Variants in PER2 observed in about 807,000 individuals in gnomAD.
PER2 encodes period circadian protein homolog 2.
In PER2, 66 loss-of-function variants were observed where a neutral mutation model predicts 121.0. The observed-to-expected ratio is 0.55, with a 90% confidence interval of 0.45 to 0.67. The LOEUF is 0.67. Among genes scored for constraint, PER2 ranks in the 30% least tolerant of loss-of-function variants. The pLI, the probability that PER2 is intolerant of heterozygous loss-of-function variation, is 0.00. For missense variants in PER2, 1,521 were observed against 1,635.0 expected (o/e 0.93, Z 1.20); for synonymous variants, 684 against 659.9 (o/e 1.04, Z -0.56).
chr2:238,277,582 T>C (rs1246250488), intron 2 of PER2, 125 bp downstream of exon 2: 24 of 1,185,002 alleles, frequency 2.0e-5, no homozygotes, highest in Non-Finnish European at 2.9e-5. Context: ...TTTAGGTATT[T>C]TCAAAAATCT....
At chr2:238,260,776 T>C (rs1354980265) in intron 13 of PER2, 52 bp downstream of exon 13, 1 of 1,609,002 alleles carries the variant, frequency 6.2e-7, no homozygotes, top group Non-Finnish European at 8.5e-7. Context: ...TTTTTAACTC[T>C]GGAGGGACAT....
At chr2:238,255,485 C>T (rs568958352) in intron 18 of PER2, 172 bp downstream of exon 18, 177 of 722,260 alleles carry the variant, frequency 2.5e-4, no homozygotes, top group African/African-American at 3.5e-4. Flanking sequence ...AGCACCCCCC[C>T]GGTGGGAAGT....
chr2:238,298,514 T>C, the PER2 span: 1 of 152,242 alleles, frequency 6.6e-6, no homozygotes, highest in Non-Finnish European at 1.5e-5. Context: ...GGGATTGTAA[T>C]GACCAGGGGT....
intron 5 of PER2, among the ~76,000 whole-genome samples, 168 bp downstream of exon 5, chr2:238,272,902 C>T (rs1696333860): frequency 6.6e-6 from 1 of 152,210 alleles, no homozygotes; most frequent in Non-Finnish European, 1.5e-5. Flanking sequence ...AACATGAATG[C>T]CACTTCCAGA....
At chr2:238,272,644 A>C (rs1308335104) in intron 5 of PER2, among the ~76,000 whole-genome samples, 1 of 152,224 alleles carries the variant, frequency 6.6e-6, no homozygotes, top group Admixed American at 6.5e-5. Flanking sequence ...TGTGCCCTCC[A>C]AGGGGCCCAC....
At chr2:238,277,622 T>G in intron 2 of PER2, 85 bp downstream of exon 2, 1 of 1,470,938 alleles carries the variant, frequency 6.8e-7, no homozygotes, top group South Asian at 1.2e-5. Context: ...GATTTAAAGA[T>G]TGCAAAAGCA....
intron 17 of PER2, 95 bp from the exon 18 acceptor site, chr2:238,256,006 ATAAAG>A (rs1695749970): frequency 1.4e-6 from 2 of 1,467,316 alleles, no homozygotes; most frequent in African/African-American, 1.4e-5. Flanking sequence ...TCATTCACGT[ATAAAG>A]TAATTTCATG....
intron 5 of PER2, 97 bp from the exon 6 acceptor site, chr2:238,271,610 A>G: frequency 1.1e-6 from 1 of 907,532 alleles, no homozygotes; most frequent in Non-Finnish European, 1.8e-6. Context: ...GCCCACCAGG[A>G]GCGTTGGAGG....
chr2:238,246,462 A>C lies in PER2; in HGVS notation c.3681T>G (p.Ile1227Met). 1 of 1,594,912 alleles carries C rather than the reference A, an allele frequency of 6.3e-7. No individual in the cohort carries two copies. Among genetic ancestry groups the C allele is most frequent in the South Asian group, 1.1e-5 (1 of 90,642 alleles). ...GNICIPYEED[I>M]PSLGLSEVSD... is the part of the protein sequence containing the mutation. ...ACACTTCGCTGAGTCCCAGAGAAGG[A>C]ATATCTTCCTCATATGGTATGCAAA... The change falls in exon 23 of 23, where the codon ATT becomes ATG. Residue 1227 changes from isoleucine to methionine, a missense_variant. Transcript: ENST00000254657.
At chr2:238,293,060 A>ATAC (rs1240714097), upstream of PER2, among the ~76,000 whole-genome samples, 1 of 149,040 alleles carries the variant, frequency 6.7e-6, no homozygotes, top group Non-Finnish European at 1.5e-5. Flanking sequence ...TTTTTTCATC[A>ATAC]TACATAGGTG....
chr2:238,256,831 T>C, intron 17 of PER2, 91 bp downstream of exon 17: 1 of 1,333,178 alleles, frequency 7.5e-7, no homozygotes. Flanking sequence ...GGTGGAGTTC[T>C]TCTGCACTTA....
At chr2:238,248,194 G>A (rs1695498347) in intron 22 of PER2, among the ~76,000 whole-genome samples, 1 of 152,190 alleles carries the variant, frequency 6.6e-6, no homozygotes, top group Non-Finnish European at 1.5e-5. Flanking sequence ...GGAGACCAAG[G>A]GCAGCAAGAG....
chr2:238,249,080 G>A lies in PER2; in HGVS notation c.3600C>T (p.Pro1200=), dbSNP rs35873326. 32,109 of 1,614,058 alleles carry A rather than the reference G, an allele frequency of 0.02. 873 individuals carry two copies. Among genetic ancestry groups the A allele is most frequent in the African/African-American group, 0.12 (9,301 of 75,014 alleles). Residue 1200 remains proline (P), a synonymous_variant, in exon 22 of 23, where the codon CCC becomes CCT. Coordinates refer to ENST00000254657, the MANE Select transcript of PER2 (RefSeq NM_022817.3). Reference sequence around the variant, plus strand: ...AGCTTACTGCCACGTCGATGGCTGCGGGCAGGCCGCCCGTCTGCATCCACT... The same window carrying A: ...AGCTTACTGCCACGTCGATGGCTGCAGGCAGGCCGCCCGTCTGCATCCACT... ...VHQWMQTGGL[P]AAIDVAECVY...
Position 238,261,704 on chromosome 2 carries a change from G to C in PER2, c.1416+25C>G. ...GGGCTCTCAGGCTGCTACCTGGGAG[G>C]AGGACATGCAGGCACCACACCCACC... is the stretch of plus-strand genomic sequence containing the variant. On this transcript the variant is annotated intron_variant, in intron 12 of 22. Transcript: ENST00000254657. 3.4e-6 allele frequency: 5 copies of C among 1,463,262 alleles called. No homozygotes were observed. In the South Asian group the frequency reaches 4.9e-5, roughly 14 times the overall value. The allele number at this position is 1,463,262 out of a possible 1,614,324, so 90.6% of individuals were successfully genotyped here. A position where few individuals can be genotyped will look rare whatever the true frequency, so the allele number is the denominator to read the frequency against.
chr2:238,258,186 C>A, intron 16 of PER2, 90 bp downstream of exon 16: 1 of 1,390,810 alleles, frequency 7.2e-7, no homozygotes, highest in Non-Finnish European at 1.0e-6. Context: ...CACCCTTACA[C>A]TGTGTCCACA....
chr2:238,258,556 G>T lies in PER2; in HGVS notation c.1716C>A (p.Ala572=). Residue 572 remains alanine (A), a synonymous_variant, in exon 15 of 23, where the codon GCC becomes GCA. Coordinates refer to ENST00000254657, the MANE Select transcript of PER2 (RefSeq NM_022817.3). ...AGGAGCAGGTGGGCTGGTTCTTGCA[G>T]GCCAACTCCTCGGGGAAGCTGACCC... ...SLGVSFPEEL[A]CKNQPTCSYQ... is the part of the protein sequence containing the mutation. 1.2e-6 allele frequency: 2 copies of T among 1,614,194 alleles called. No homozygotes were observed. Among genetic ancestry groups the T allele is most frequent in the South Asian group, 1.1e-5 (1 of 91,086 alleles).
chr2:238,246,582 A>G, intron 22 of PER2, 58 bp from the exon 23 acceptor site: 2 of 1,329,094 alleles, frequency 1.5e-6, no homozygotes, highest in Non-Finnish European at 2.1e-6. Context: ...TTGTTACAAA[A>G]GTCATTCAAA....
At chr2:238,295,239 C>A in the PER2 span, among the ~76,000 whole-genome samples, 2 of 151,290 alleles carry the variant, frequency 1.3e-5, no homozygotes, top group Non-Finnish European at 2.9e-5. Flanking sequence ...CTTCTTCTTT[C>A]TTGTTCTTCT....
At chr2:238,255,960 A>G in intron 17 of PER2, 49 bp from the exon 18 acceptor site, 1 of 1,606,278 alleles carries the variant, frequency 6.2e-7, no homozygotes, top group Non-Finnish European at 8.5e-7. Context: ...CCTGTTTATT[A>G]TTTTAAGGCC....
Sources: allele counts gnomAD v4.1 joint callset (sites outside exome capture counted in the v4.1 genomes callset), GRCh38; gene constraint gnomAD v4.1.1; transcripts MANE v1.5; gene names NCBI Gene and HGNC (gene_info 2026-07-23, HGNC 2026-07-21).